Variants in USP37 observed in about 807,000 individuals in gnomAD.
USP37 encodes the protein ubiquitin specific peptidase 37.
A neutral mutation model predicts 124.0 loss-of-function variants in USP37; 27 were observed. The ratio of observed to expected loss-of-function variants is 0.22; its 90% CI spans 0.16 to 0.30. The LOEUF (loss-of-function observed/expected upper bound fraction) is 0.30, where lower values mean the gene tolerates loss of function less well. USP37 is among the 10% of genes least tolerant of loss of function. USP37 has a pLI of 1.00. For missense variants in USP37, 889 were observed against 1,140.4 expected (o/e 0.78, Z 3.17); for synonymous variants, 365 against 388.0 (o/e 0.94, Z 0.70).
chr2:218,458,946 TA>T (rs2106405255), intron 23 of USP37, among the ~76,000 whole-genome samples: 2 of 152,096 alleles, frequency 1.3e-5, no homozygotes, highest in Admixed American at 1.3e-4. Context: ...TACGACTTTT[TA>T]AAAAGTATAC....
intron 11 of USP37, among the ~76,000 whole-genome samples, chr2:218,504,065 GATTC>G (rs1689541233): frequency 6.6e-6 from 1 of 152,124 alleles, no homozygotes; most frequent in Admixed American, 6.5e-5. Context: ...TAGGGAGGTC[GATTC>G]ATTAAGATTT....
chr2:218,520,672 A>C (rs976278938), intron 10 of USP37, among the ~76,000 whole-genome samples: 7 of 152,192 alleles, frequency 4.6e-5, no homozygotes, highest in African/African-American at 1.7e-4. Context: ...GTTTTACAAA[A>C]AAGTGTTATT....
intron 6 of USP37, 86 bp from the exon 7 acceptor site, chr2:218,547,177 A>T: frequency 7.0e-7 from 1 of 1,435,866 alleles, no homozygotes; most frequent in Non-Finnish European, 9.3e-7. Context: ...AAAGGTTTAA[A>T]AAATACAAAT....
At chr2:218,535,848 C>G (rs1049282096) in intron 8 of USP37, among the ~76,000 whole-genome samples, 2 of 107,532 alleles carry the variant, frequency 1.9e-5, no homozygotes, top group African/African-American at 7.7e-5. Flanking sequence ...GAGCGAGACT[C>G]TGTCTCAAAA....
At chr2:218,476,493 T>C (rs2106420275) in intron 19 of USP37, among the ~76,000 whole-genome samples, 1 of 152,240 alleles carries the variant, frequency 6.6e-6, no homozygotes, top group Middle Eastern at 3.4e-3. Flanking sequence ...GAGGATTGTT[T>C]GAGCCCAGGA....
chr2:218,509,637 T>G (rs1296382174), intron 11 of USP37, among the ~76,000 whole-genome samples: 1 of 152,096 alleles, frequency 6.6e-6, no homozygotes, highest in Non-Finnish European at 1.5e-5. Flanking sequence ...TATACTATGA[T>G]CTCATTTTTG....
intron 1 of USP37, among the ~76,000 whole-genome samples, chr2:218,565,439 A>G (rs981904821): frequency 3.3e-5 from 5 of 152,216 alleles, no homozygotes; most frequent in Admixed American, 6.5e-5. Context: ...TGAAAGTGGA[A>G]AGCTGACCTA....
chr2:218,524,669 G>C (rs550401921), intron 10 of USP37, among the ~76,000 whole-genome samples: 10 of 152,252 alleles, frequency 6.6e-5, no homozygotes, highest in African/African-American at 2.4e-4. Context: ...GAGTGCAGTG[G>C]CGCGTTTTCG....
intron 1 of USP37, among the ~76,000 whole-genome samples, chr2:218,563,609 C>T (rs989794849): frequency 6.6e-6 from 1 of 152,164 alleles, no homozygotes; most frequent in South Asian, 2.1e-4. Context: ...AAGTTCTACC[C>T]GCACATCTCT....
intron 6 of USP37, among the ~76,000 whole-genome samples, chr2:218,548,997 T>C (rs989895843): frequency 2.0e-5 from 3 of 152,180 alleles, no homozygotes; most frequent in African/African-American, 4.8e-5. Flanking sequence ...ATTCCATTTA[T>C]ATAAAACTCC....
chr2:218,521,085 G>T (rs1690585836), intron 10 of USP37, among the ~76,000 whole-genome samples: 1 of 152,074 alleles, frequency 6.6e-6, no homozygotes, highest in Non-Finnish European at 1.5e-5. Context: ...CTCCTTCTCT[G>T]ACCATGTGAA....
intron 18 of USP37, 77 bp downstream of exon 18, chr2:218,479,573 C>T: frequency 8.5e-7 from 1 of 1,170,256 alleles, no homozygotes; most frequent in Non-Finnish European, 1.3e-6. Context: ...AATGAAAAGG[C>T]AGGGAGGCAA....
At chr2:218,485,999 T>C in intron 15 of USP37, 1 of 386,228 alleles carries the variant, frequency 2.6e-6, no homozygotes, top group Non-Finnish European at 4.5e-6. Context: ...TGATAGTAAC[T>C]AGACTCTAAA....
At chr2:218,521,710 C>G (rs907614580) in intron 10 of USP37, among the ~76,000 whole-genome samples, 2 of 152,190 alleles carry the variant, frequency 1.3e-5, no homozygotes, top group African/African-American at 2.4e-5. Flanking sequence ...CATTTTTTCC[C>G]CACCTGACTA....
At chr2:218,561,811 TC>T (rs1693327691) in intron 2 of USP37, among the ~76,000 whole-genome samples, 1 of 152,160 alleles carries the variant, frequency 6.6e-6, no homozygotes. Flanking sequence ...TAGAGGCCCT[TC>T]AGGACTCAGG....
intron 14 of USP37, among the ~76,000 whole-genome samples, chr2:218,488,926 C>T (rs138574283): frequency 0.04 from 6,106 of 152,110 alleles, 159 homozygotes; most frequent in East Asian, 0.12. Flanking sequence ...TGAGCCACCA[C>T]GCCCGGCCAA....
At chr2:218,467,066 G>C (rs1476913778) in intron 20 of USP37, among the ~76,000 whole-genome samples, 1 of 152,046 alleles carries the variant, frequency 6.6e-6, no homozygotes, top group African/African-American at 2.4e-5. Flanking sequence ...TGTTGAACAT[G>C]TGTTTAAACA....
chr2:218,507,517 G>A (rs569865044), intron 11 of USP37, among the ~76,000 whole-genome samples: 11 of 152,168 alleles, frequency 7.2e-5, no homozygotes, highest in Admixed American at 2.6e-4. Context: ...GTTCTAGGGG[G>A]CAGAATTTTC....
intron 10 of USP37, among the ~76,000 whole-genome samples, chr2:218,529,134 G>A (rs1317234644): frequency 2.0e-5 from 3 of 152,102 alleles, no homozygotes; most frequent in African/African-American, 7.2e-5. Flanking sequence ...CCAGGTTTAA[G>A]AGCACCTCCC....
Sources: gnomAD v4.1 joint callset for allele counts (sites outside exome capture counted in the v4.1 genomes callset) on GRCh38, gnomAD v4.1.1 for gene constraint, MANE v1.5 for transcripts, NCBI Gene and HGNC (gene_info 2026-07-23, HGNC 2026-07-21) for gene names.